Variants in FBXO36 observed in about 807,000 individuals in gnomAD.
The protein encoded by FBXO36 is F-box only protein 36.
A neutral mutation model predicts 17.0 loss-of-function variants in FBXO36; 18 were observed. The ratio of observed to expected loss-of-function variants is 1.06; its 90% CI spans 0.73 to 1.57. The LOEUF is 1.57. FBXO36 is among the 40% of genes most tolerant of loss of function. FBXO36 has a pLI of 0.00. For synonymous variants in FBXO36, 83 were observed against 85.3 expected, an observed-to-expected ratio of 0.97 and a Z score of 0.15; for missense variants, 229 against 221.9, an observed-to-expected ratio of 1.03 and a Z score of -0.20.
At chr2:229,922,732 C>T (rs1430354838) in intron 1 of FBXO36, 123 bp downstream of exon 1, 1 of 957,538 alleles carries the variant, frequency 1.0e-6, no homozygotes, top group East Asian at 2.8e-5. Flanking sequence ...AGTCCCGGCT[C>T]CGCGCCGGGA....
chr2:229,985,094 C>T lies in FBXO36; in HGVS notation c.205+8745C>T, dbSNP rs1016429631. On this transcript the variant is annotated intron_variant, in intron 2 of 3. Transcript: ENST00000283946. Reference sequence around the variant, plus strand: ...CATGCCACTGCCACAGGATGCAGCGCAAATGGCATTTGCAACACATTTGAC... The same window carrying T: ...CATGCCACTGCCACAGGATGCAGCGTAAATGGCATTTGCAACACATTTGAC... Among the ~76,000 whole-genome samples the T allele has an allele frequency of 8.9e-4, 136 of 152,214 alleles. 1 individual carries two copies. The highest frequency in any genetic ancestry group is 3.1e-3 in the African/African-American group (129 of 41,524).
At chr2:229,954,542 CTTTTTTT>C (rs1176794800) in intron 1 of FBXO36, among the ~76,000 whole-genome samples, 3 of 78,776 alleles carry the variant, frequency 3.8e-5, no homozygotes, top group Non-Finnish European at 7.5e-5. Flanking sequence ...TGCACCCGGC[CTTTTTTT>C]TTTTTTTTTT....
At chr2:229,954,486 G>C (rs1310996162) in intron 1 of FBXO36, among the ~76,000 whole-genome samples, 1 of 148,214 alleles carries the variant, frequency 6.7e-6, no homozygotes, top group African/African-American at 2.5e-5. Flanking sequence ...CAAGTGATCT[G>C]CCCGCTTCGG....
At chr2:230,000,447 T>C (rs546753825) in intron 3 of FBXO36, among the ~76,000 whole-genome samples, 64 of 150,942 alleles carry the variant, frequency 4.2e-4, no homozygotes, top group African/African-American at 1.5e-3. Flanking sequence ...AATATGCAAG[T>C]GGGGATCTAG....
chr2:229,967,997 C>T (rs986958428), intron 1 of FBXO36, among the ~76,000 whole-genome samples: 14 of 151,962 alleles, frequency 9.2e-5, no homozygotes, highest in South Asian at 2.1e-4. Context: ...GCTGTGAATC[C>T]GTCTGGTCCT....
chr2:229,943,764 C>A (rs2077012335), intron 1 of FBXO36, among the ~76,000 whole-genome samples: 1 of 152,156 alleles, frequency 6.6e-6, no homozygotes, highest in Non-Finnish European at 1.5e-5. Flanking sequence ...GATATTGAAT[C>A]CCATGCCTAA....
intron 1 of FBXO36, among the ~76,000 whole-genome samples, chr2:229,974,378 GACTTA>G (rs2077196871): frequency 1.3e-5 from 2 of 152,180 alleles, no homozygotes; most frequent in African/African-American, 2.4e-5. Flanking sequence ...CTGTGTGTGT[GACTTA>G]ACTTGAATGT....
In FBXO36 at chr2:229,946,055, G is replaced by A. The variant is rs137974405; in HGVS notation, c.96+23446G>A. 2.0e-3 allele frequency among the ~76,000 whole-genome samples: 311 copies of A among 152,002 alleles called. 2 individuals are homozygous for A. Among genetic ancestry groups the A allele is most frequent in the African/African-American group, 7.1e-3 (296 of 41,486 alleles). On this transcript the variant is annotated intron_variant, in intron 1 of 3. Transcript: ENST00000283946. Reference sequence around the variant, plus strand: ...AAAAAAAGACAAAACTGGTAATTGGGAGGATGAAAAGGAAGTAAAACAGGA... The same window carrying A: ...AAAAAAAGACAAAACTGGTAATTGGAAGGATGAAAAGGAAGTAAAACAGGA...
chr2:229,953,675 G>GA lies in FBXO36; in HGVS notation c.97-22556dup, dbSNP rs1030271228. Among the ~76,000 whole-genome samples, 307 of 144,176 alleles carry GA rather than the reference G, an allele frequency of 2.1e-3. 2 individuals are homozygous for GA. The highest frequency in any genetic ancestry group is 7.2e-3 in the African/African-American group (284 of 39,396). 94.6% of individuals were successfully genotyped at this position (144,176 alleles called of 152,430 possible). On this transcript the variant is annotated intron_variant, in intron 1 of 3. Coordinates refer to ENST00000283946, the MANE Select transcript of FBXO36 (RefSeq NM_174899.5). ...TGACAGAATGATATCTTGTCTCAGA[G>GA]AAAAAAAAAATAAAAAAAGATTTTT...
At chr2:229,944,632 G>A (rs1382156516) in intron 1 of FBXO36, among the ~76,000 whole-genome samples, 2 of 131,684 alleles carry the variant, frequency 1.5e-5, no homozygotes, top group African/African-American at 5.8e-5. Flanking sequence ...ACGCTCTGTC[G>A]CCCAGGCTGG....
intron 1 of FBXO36, among the ~76,000 whole-genome samples, chr2:229,967,314 C>G (rs986530099): frequency 2.0e-5 from 3 of 152,138 alleles, no homozygotes; most frequent in Non-Finnish European, 4.4e-5. Context: ...ACAATCATGT[C>G]GTCTGCAAAC....
chr2:229,923,621 T>C (rs900526319), intron 1 of FBXO36, among the ~76,000 whole-genome samples: 3 of 151,746 alleles, frequency 2.0e-5, no homozygotes, highest in East Asian at 1.9e-4. Flanking sequence ...TGTTAATATA[T>C]ATTTTTTAAT....
chr2:229,998,576 C>T (rs962639330), intron 3 of FBXO36, among the ~76,000 whole-genome samples: 3 of 150,524 alleles, frequency 2.0e-5, no homozygotes, highest in Non-Finnish European at 2.9e-5. Flanking sequence ...GAGCCAAGAT[C>T]GTGCCATTGC....
At chr2:229,954,391 C>T (rs914240317) in intron 1 of FBXO36, among the ~76,000 whole-genome samples, 4 of 150,818 alleles carry the variant, frequency 2.7e-5, no homozygotes, top group East Asian at 1.9e-4. Flanking sequence ...TACAGGCATG[C>T]GCCACCACAC....
chr2:229,936,282 G>C (rs1251876353), intron 1 of FBXO36, among the ~76,000 whole-genome samples: 10 of 152,106 alleles, frequency 6.6e-5, no homozygotes, highest in Admixed American at 6.6e-4. Context: ...ATATTGCTGT[G>C]GCCAGAGTCA....
At chr2:229,990,037 T>C (rs2077290531) in intron 2 of FBXO36, among the ~76,000 whole-genome samples, 1 of 151,840 alleles carries the variant, frequency 6.6e-6, no homozygotes. Flanking sequence ...CTGGGTTCAA[T>C]CCTAGTTCTG....
At chr2:229,972,112 G>C (rs2077183903) in intron 1 of FBXO36, among the ~76,000 whole-genome samples, 1 of 149,984 alleles carries the variant, frequency 6.7e-6, no homozygotes, top group Non-Finnish European at 1.5e-5. Context: ...TCCTGCCTCA[G>C]CCTCCCAAGT....
chr2:229,923,720 A>G (rs1002828077), intron 1 of FBXO36, among the ~76,000 whole-genome samples: 2 of 151,840 alleles, frequency 1.3e-5, no homozygotes, highest in South Asian at 2.1e-4. Flanking sequence ...GAGCAGGGCT[A>G]ATTCATAGGC....
chr2:229,996,318 G>T (rs2077327179), intron 2 of FBXO36, among the ~76,000 whole-genome samples: 1 of 152,012 alleles, frequency 6.6e-6, no homozygotes, highest in South Asian at 2.1e-4. Flanking sequence ...CTAAAATTAG[G>T]AGACAATGTG....
Sources: gnomAD v4.1 joint callset for allele counts (sites outside exome capture counted in the v4.1 genomes callset) on GRCh38, gnomAD v4.1.1 for gene constraint, MANE v1.5 for transcripts, NCBI Gene and HGNC (gene_info 2026-07-23, HGNC 2026-07-21) for gene names.